TMPRSS11F: variants seen among roughly 807,000 people sequenced by gnomAD.
TMPRSS11F encodes the protein transmembrane protease serine 11F.
Under a neutral mutation model 60.2 loss-of-function variants are expected in TMPRSS11F, and 47 were observed. The observed-to-expected ratio is 0.78, with a 90% CI of 0.62 to 1.00. The LOEUF is 1.00. Ranked by LOEUF, TMPRSS11F falls within the 50% of genes least tolerant of loss-of-function variation. TMPRSS11F has a pLI of 0.00. For synonymous variants in TMPRSS11F, 166 were observed against 167.3 expected (o/e 0.99, Z 0.06); for missense variants, 519 against 522.9 (o/e 0.99, Z 0.07).
At chr4:68,123,666 A>G (rs1019604746) in intron 1 of TMPRSS11F, among the ~76,000 whole-genome samples, 3 of 152,216 alleles carry the variant, frequency 2.0e-5, no homozygotes, top group African/African-American at 7.2e-5. Flanking sequence ...ACGATTATGG[A>G]AAATGAATGA....
chr4:68,123,593 C>T (rs904238153), intron 1 of TMPRSS11F, among the ~76,000 whole-genome samples: 6 of 152,166 alleles, frequency 3.9e-5, no homozygotes, highest in Non-Finnish European at 7.3e-5. Flanking sequence ...CCATCCAAAG[C>T]AACTGAAGTT....
At chr4:68,109,619 A>G (rs182590373) in intron 1 of TMPRSS11F, among the ~76,000 whole-genome samples, 41 of 152,334 alleles carry the variant, frequency 2.7e-4, no homozygotes, top group African/African-American at 9.9e-4. Context: ...AAGTTTATAT[A>G]TTAGTTCAAC....
At chr4:68,090,757 T>A (rs1325258355) in intron 2 of TMPRSS11F, 116 bp from the exon 3 acceptor site, 2 of 1,447,408 alleles carry the variant, frequency 1.4e-6, no homozygotes, top group African/African-American at 2.9e-5. Context: ...TTCTACTTAG[T>A]GTAAAAATTC....
chr4:68,128,043 A>T (rs1019407838), intron 1 of TMPRSS11F, among the ~76,000 whole-genome samples: 12 of 152,108 alleles, frequency 7.9e-5, no homozygotes, highest in Non-Finnish European at 1.6e-4. Context: ...TCAAAGTTGG[A>T]TCTTGAACAC....
At chr4:68,115,638 C>G (rs1724503481) in intron 1 of TMPRSS11F, among the ~76,000 whole-genome samples, 1 of 152,040 alleles carries the variant, frequency 6.6e-6, no homozygotes, top group Non-Finnish European at 1.5e-5. Context: ...GAGAATCTGC[C>G]ATGAAAAGAC....
At chr4:68,090,060 A>C (rs1723891964) in intron 3 of TMPRSS11F, among the ~76,000 whole-genome samples, 1 of 152,120 alleles carries the variant, frequency 6.6e-6, no homozygotes, top group Non-Finnish European at 1.5e-5. Flanking sequence ...TACATAAGCT[A>C]TTTAAAAAGC....
Position 68,090,535 on chromosome 4 carries a change from C to A in TMPRSS11F, c.270G>T (p.Gln90His). ...CTGTTGAGCTTACCATTCTTTCAAT[C>A]TGATGACTCCTTTCTATAAACTCTC... ...SSREFIERSH[Q>H]IERMMSRIFR... Residue 90 changes from glutamine to histidine, a missense_variant, in exon 3 of 10, where the codon CAG becomes CAT. Gln to His is a conservative substitution (Grantham distance 24). Coordinates refer to ENST00000356291, the MANE Select transcript of TMPRSS11F (RefSeq NM_207407.2). 1 of 1,586,270 alleles carries A rather than the reference C, an allele frequency of 6.3e-7. No homozygotes were observed. Among genetic ancestry groups the A allele is most frequent in the Non-Finnish European group, 8.6e-7 (1 of 1,168,756 alleles).
chr4:68,120,179 G>C (rs1235564784), intron 1 of TMPRSS11F, among the ~76,000 whole-genome samples: 1 of 151,976 alleles, frequency 6.6e-6, no homozygotes, highest in Non-Finnish European at 1.5e-5. Context: ...AAAAGAAAGT[G>C]GTTTTTTGAG....
At chr4:68,095,426 C>G (rs1463460729) in intron 2 of TMPRSS11F, among the ~76,000 whole-genome samples, 1 of 152,116 alleles carries the variant, frequency 6.6e-6, no homozygotes, top group African/African-American at 2.4e-5. Flanking sequence ...AGATCCTCTA[C>G]ATCATTGTAG....
At chr4:68,085,508 A>G (rs1291468533) in intron 3 of TMPRSS11F, among the ~76,000 whole-genome samples, 1 of 152,214 alleles carries the variant, frequency 6.6e-6, no homozygotes, top group Non-Finnish European at 1.5e-5. Context: ...AGACATCATA[A>G]AGCCACTATA....
rs1435630678 is a variant in TMPRSS11F, at chr4:68,070,114, A to G, written c.515-107T>C. ...GAAATGTGAATTATCTAAAGCATAC[A>G]TATTTCAAGAGAATATGAGATTTTT... On this transcript the variant is annotated intron_variant, in intron 5 of 9. Transcript: ENST00000356291. 6.0e-6 allele frequency: 5 copies of G among 826,538 alleles called. No homozygotes were observed. In the East Asian group the frequency reaches 1.1e-4, roughly 19 times the overall value. 51.2% of individuals were successfully genotyped at this position (826,538 alleles called of 1,614,324 possible).
intron 8 of TMPRSS11F, chr4:68,062,974 G>A (rs780726634): frequency 4.2e-6 from 3 of 716,196 alleles, no homozygotes; most frequent in Non-Finnish European, 5.3e-6. Flanking sequence ...ACCCGTCTTC[G>A]AGAGACTGAC....
At chr4:68,115,283 G>T (rs1367216816) in intron 1 of TMPRSS11F, among the ~76,000 whole-genome samples, 1 of 145,116 alleles carries the variant, frequency 6.9e-6, no homozygotes, top group Non-Finnish European at 1.5e-5. Context: ...TGTGAACCCA[G>T]GAGGCGGAGC....
intron 9 of TMPRSS11F, 55 bp downstream of exon 9, chr4:68,059,271 G>C: frequency 6.3e-7 from 1 of 1,588,902 alleles, no homozygotes; most frequent in Non-Finnish European, 8.6e-7. Flanking sequence ...GCCAAACTCA[G>C]AAATAGCTAA....
chr4:68,110,687 G>A (rs1724394923), intron 1 of TMPRSS11F, among the ~76,000 whole-genome samples: 2 of 152,072 alleles, frequency 1.3e-5, no homozygotes, highest in South Asian at 2.1e-4. Flanking sequence ...AAAATAAAAT[G>A]AGATAATATA....
intron 1 of TMPRSS11F, among the ~76,000 whole-genome samples, chr4:68,119,080 T>C (rs1724577043): frequency 6.6e-6 from 1 of 152,124 alleles, no homozygotes; most frequent in Admixed American, 6.5e-5. Context: ...GTAGAACAGA[T>C]TTATTGCTGA....
At chr4:68,118,418 A>G (rs1014895665) in intron 1 of TMPRSS11F, among the ~76,000 whole-genome samples, 2 of 152,212 alleles carry the variant, frequency 1.3e-5, no homozygotes, top group Admixed American at 1.3e-4. Context: ...GGACTTTTGT[A>G]TTACACGTAT....
chr4:68,058,384 T>C (rs1723088937), intron 9 of TMPRSS11F, among the ~76,000 whole-genome samples: 1 of 152,106 alleles, frequency 6.6e-6, no homozygotes, highest in Admixed American at 6.5e-5. Context: ...CAGTGAAATC[T>C]AAGCTGGAAA....
intron 5 of TMPRSS11F, among the ~76,000 whole-genome samples, chr4:68,070,695 A>T (rs935675520): frequency 2.6e-5 from 4 of 152,044 alleles, no homozygotes; most frequent in Non-Finnish European, 5.9e-5. Context: ...TTCCCTTCAA[A>T]TTTATTCATT....
Sources: gnomAD v4.1 joint callset for allele counts (sites outside exome capture counted in the v4.1 genomes callset) on GRCh38, gnomAD v4.1.1 for gene constraint, MANE v1.5 for transcripts, NCBI Gene and HGNC (gene_info 2026-07-23, HGNC 2026-07-21) for gene names.